CXADR: variants seen among roughly 807,000 people sequenced by gnomAD.
CXADR encodes CXADR cell adhesion molecule, also known as coxsackievirus and adenovirus receptor.
In CXADR, 20 loss-of-function variants were observed where a neutral mutation model predicts 40.3. That is an observed-to-expected ratio of 0.50 (90% CI 0.35 to 0.72). The LOEUF (loss-of-function observed/expected upper bound fraction) is 0.72. CXADR is among the 30% of genes least tolerant of loss of function. The pLI, the probability that CXADR is intolerant of heterozygous loss-of-function variation, is 0.01. For missense variants in CXADR, 332 were observed against 449.1 expected (o/e 0.74, Z 2.36); for synonymous variants, 150 against 161.3 (o/e 0.93, Z 0.53).
In CXADR at chr21:17,561,250, A is replaced by G. The variant is rs543846381; in HGVS notation, c.695-88A>G. Reference sequence around the variant, plus strand: ...TTTGTCTTAAAGTTAACACGTGATGAAATCAATCTAAAAATGTATAGCCTA... The same window carrying G: ...TTTGTCTTAAAGTTAACACGTGATGGAATCAATCTAAAAATGTATAGCCTA... On this transcript the variant is annotated intron_variant, in intron 5 of 6. Transcript: ENST00000284878. 2.3e-3 allele frequency: 1,799 copies of G among 773,832 alleles called. 17 individuals are homozygous for G. Among genetic ancestry groups the G allele is most frequent in the East Asian group, 6.6e-3 (218 of 32,990 alleles). 47.9% of individuals were successfully genotyped at this position (773,832 alleles called of 1,614,324 possible).
rs1270956344 is a variant in CXADR, at chr21:17,567,528, T to C, written c.*1836T>C. On this transcript the variant is annotated 3_prime_UTR_variant, in exon 7 of 7. Coordinates refer to ENST00000284878, the MANE Select transcript of CXADR (RefSeq NM_001338.5). ...TCTAAAAACACATCACTGTGATACC[T>C]TTCTATCCTCACATTTTCAAGCTTG... 1 of 985,242 alleles carries C rather than the reference T, an allele frequency of 1.0e-6. No individual in the cohort carries two copies. The highest frequency in any genetic ancestry group is 1.7e-5 in the African/African-American group (1 of 57,240). The allele number at this position is 985,242 out of a possible 1,614,324, so 61.0% of individuals were successfully genotyped here.
At chr21:17,612,748 T>C in the CXADR span, 1 of 152,356 alleles carries the variant, frequency 6.6e-6, no homozygotes, top group South Asian at 2.1e-4. Context: ...GCCCAGACCG[T>C]GTCCTGGCCG....
chr21:17,552,097 G>A, intron 3 of CXADR, 144 bp downstream of exon 3: 2 of 637,292 alleles, frequency 3.1e-6, no homozygotes, highest in Non-Finnish European at 5.4e-6. Context: ...ATGTTGGATA[G>A]CATCAAATAT....
At chr21:17,550,351 C>CCA (rs111505839) in intron 2 of CXADR, among the ~76,000 whole-genome samples, 9 of 130,806 alleles carry the variant, frequency 6.9e-5, no homozygotes, top group Non-Finnish European at 1.1e-4. Flanking sequence ...AAGACTGTCT[C>CCA]AAAAAAAAAA....
intron 3 of CXADR, among the ~76,000 whole-genome samples, chr21:17,553,927 A>C (rs1569120025): frequency 6.6e-6 from 1 of 152,162 alleles, no homozygotes; most frequent in Non-Finnish European, 1.5e-5. Flanking sequence ...ACCTGGTCTG[A>C]ATTCTTATCA....
chr21:17,572,527 A>T (rs926241980), downstream of CXADR, among the ~76,000 whole-genome samples: 2 of 152,004 alleles, frequency 1.3e-5, no homozygotes, highest in Non-Finnish European at 2.9e-5. Flanking sequence ...CATTGTAAGA[A>T]GCATTTCAGA....
At chr21:17,605,726 A>C in the CXADR span, among the ~76,000 whole-genome samples, 1 of 152,318 alleles carries the variant, frequency 6.6e-6, no homozygotes, top group East Asian at 1.9e-4. Flanking sequence ...ATGTTTAATA[A>C]ATAAAAAATA....
intron 1 of CXADR, among the ~76,000 whole-genome samples, chr21:17,528,509 G>T (rs929604292): frequency 1.3e-5 from 2 of 150,440 alleles, no homozygotes; most frequent in African/African-American, 2.4e-5. Context: ...GGGTTCAAGC[G>T]ATTCTCCTAC....
chr21:17,622,837 A>G, the CXADR span, among the ~76,000 whole-genome samples: 1 of 152,230 alleles, frequency 6.6e-6, no homozygotes, highest in Admixed American at 6.5e-5. Context: ...TAATATAAAA[A>G]GGTGCACCAT....
intron 1 of CXADR, among the ~76,000 whole-genome samples, chr21:17,539,183 A>C (rs1275084848): frequency 2.0e-5 from 3 of 152,152 alleles, no homozygotes; most frequent in African/African-American, 7.2e-5. Flanking sequence ...GGAGAAATTT[A>C]GGGTTGTGCT....
chr21:17,548,506 G>A (rs1269799276), intron 2 of CXADR, among the ~76,000 whole-genome samples: 1 of 152,158 alleles, frequency 6.6e-6, no homozygotes, highest in Non-Finnish European at 1.5e-5. Flanking sequence ...CTCTCTCTCT[G>A]GAGGTGCTGG....
At chr21:17,621,821 C>T in the CXADR span, among the ~76,000 whole-genome samples, 1 of 152,158 alleles carries the variant, frequency 6.6e-6, no homozygotes, top group Non-Finnish European at 1.5e-5. Context: ...TTACCCAGTT[C>T]CAAGTATTTT....
intron 1 of CXADR, among the ~76,000 whole-genome samples, chr21:17,546,042 T>C (rs2060893095): frequency 2.6e-5 from 4 of 152,154 alleles, no homozygotes; most frequent in Admixed American, 2.0e-4. Flanking sequence ...GCCTCCTGAA[T>C]TGCTGGGATT....
At chr21:17,608,755 T>C in the CXADR span, 7 of 438,458 alleles carry the variant, frequency 1.6e-5, no homozygotes, top group South Asian at 2.1e-4. Flanking sequence ...TTTGACCCCA[T>C]AGCATTGGCC....
At chr21:17,548,514 T>A (rs568210775) in intron 2 of CXADR, among the ~76,000 whole-genome samples, 2 of 152,368 alleles carry the variant, frequency 1.3e-5, no homozygotes, top group East Asian at 3.9e-4. Context: ...CTGGAGGTGC[T>A]GGCACCTAGA....
intron 1 of CXADR, among the ~76,000 whole-genome samples, chr21:17,521,690 G>A (rs1466537631): frequency 6.6e-6 from 1 of 152,182 alleles, no homozygotes. Context: ...CTTCACATTT[G>A]CAGGTGGTTT....
chr21:17,566,617 C>T lies in CXADR; in HGVS notation c.*925C>T, dbSNP rs531852056. On this transcript the variant is annotated 3_prime_UTR_variant, in exon 7 of 7. Coordinates refer to ENST00000284878, the MANE Select transcript of CXADR (RefSeq NM_001338.5). The stretch of plus-strand genomic sequence containing the variant: ...TTTGACACTTATAGATTGAAATTTC[C>T]TAATTTATTCTAAATTTTAAGTGGT... 2 of 983,744 alleles carry T rather than the reference C, an allele frequency of 2.0e-6. No homozygotes were observed. Among genetic ancestry groups the T allele is most frequent in the African/African-American group, 3.5e-5 (2 of 57,292 alleles). 60.9% of individuals were successfully genotyped at this position (983,744 alleles called of 1,614,324 possible).
the CXADR span, among the ~76,000 whole-genome samples, chr21:17,631,010 C>T: frequency 6.6e-6 from 1 of 152,040 alleles, no homozygotes. Flanking sequence ...TCCCTGGCTT[C>T]CTTGTACTTA....
chr21:17,627,583 G>A, the CXADR span, among the ~76,000 whole-genome samples: 1 of 152,118 alleles, frequency 6.6e-6, no homozygotes, highest in Non-Finnish European at 1.5e-5. Context: ...GAGCCCAAGA[G>A]TCAAGACCAT....
Sources: allele counts gnomAD v4.1 joint callset (sites outside exome capture counted in the v4.1 genomes callset), GRCh38; gene constraint gnomAD v4.1.1; transcripts MANE v1.5; gene names NCBI Gene and HGNC (gene_info 2026-07-23, HGNC 2026-07-21).